The following ENTREP2 variants were observed in gnomAD, a reference collection of about 807,000 sequenced individuals.
The protein encoded by ENTREP2 is endosomal transmembrane epsin interactor 2, also known as protein ENTREP2.
the ENTREP2 span, among the ~76,000 whole-genome samples, chr15:29,220,002 T>C: frequency 7.9e-5 from 12 of 151,938 alleles, no homozygotes; most frequent in African/African-American, 2.9e-4. Flanking sequence ...TGTTCGCCAA[T>C]AACTTATGGA....
At chr15:29,476,831 G>A in the ENTREP2 span, among the ~76,000 whole-genome samples, 1 of 152,150 alleles carries the variant, frequency 6.6e-6, no homozygotes, top group African/African-American at 2.4e-5. Context: ...AGCAGACAGC[G>A]ATGCCACCAC....
At chr15:29,156,154 G>A in the ENTREP2 span, among the ~76,000 whole-genome samples, 1 of 152,016 alleles carries the variant, frequency 6.6e-6, no homozygotes, top group Non-Finnish European at 1.5e-5. Context: ...TTTTGTTGTT[G>A]TTGTTGTTTG....
the ENTREP2 span, among the ~76,000 whole-genome samples, chr15:29,649,303 AAAGG>A: frequency 6.6e-6 from 1 of 152,256 alleles, no homozygotes. Flanking sequence ...GATATTAAAC[AAAGG>A]AAGTGCACTT....
chr15:29,131,546 T>A, the ENTREP2 span, among the ~76,000 whole-genome samples: 1 of 129,256 alleles, frequency 7.7e-6, no homozygotes, highest in Non-Finnish European at 1.6e-5. Context: ...CAGGCTGTCC[T>A]GCCATGCGCC....
chr15:29,173,278 C>T, the ENTREP2 span, among the ~76,000 whole-genome samples: 1 of 152,176 alleles, frequency 6.6e-6, no homozygotes, highest in Non-Finnish European at 1.5e-5. Context: ...AGCCAACTCA[C>T]CATGGGGCCG....
the ENTREP2 span, among the ~76,000 whole-genome samples, chr15:29,360,318 AT>A: frequency 6.6e-6 from 1 of 152,050 alleles, no homozygotes; most frequent in Non-Finnish European, 1.5e-5. Flanking sequence ...AGCATATTAG[AT>A]TTTTTCTTAA....
the ENTREP2 span, among the ~76,000 whole-genome samples, chr15:29,301,297 G>A: frequency 6.6e-6 from 1 of 152,192 alleles, no homozygotes; most frequent in African/African-American, 2.4e-5. Context: ...GGACTTCCTT[G>A]AATCACTGAG....
At chr15:29,209,826 C>T in the ENTREP2 span, among the ~76,000 whole-genome samples, 2 of 152,156 alleles carry the variant, frequency 1.3e-5, no homozygotes, top group Admixed American at 1.3e-4. Flanking sequence ...CAGGGTCACT[C>T]TACCCAGCTG....
At chr15:29,672,768 G>T in the ENTREP2 span, among the ~76,000 whole-genome samples, 1 of 151,928 alleles carries the variant, frequency 6.6e-6, no homozygotes, top group Non-Finnish European at 1.5e-5. Flanking sequence ...TTGGTGGGTT[G>T]GGGGGGTTGG....
the ENTREP2 span, among the ~76,000 whole-genome samples, chr15:29,181,867 A>C: frequency 2.0e-5 from 3 of 152,180 alleles, no homozygotes; most frequent in African/African-American, 7.2e-5. Flanking sequence ...ATTTTCAGCA[A>C]ACATTATTCT....
the ENTREP2 span, among the ~76,000 whole-genome samples, chr15:29,427,554 T>C: frequency 6.6e-6 from 1 of 152,190 alleles, no homozygotes; most frequent in African/African-American, 2.4e-5. Flanking sequence ...TTCCAGAGAC[T>C]GCCCTCAGCC....
At chr15:29,223,946 T>A in the ENTREP2 span, among the ~76,000 whole-genome samples, 2 of 152,180 alleles carry the variant, frequency 1.3e-5, no homozygotes, top group East Asian at 1.9e-4. Context: ...CGCGCCCAGC[T>A]CTGCCTGTGA....
chr15:29,372,563 C>T, the ENTREP2 span, among the ~76,000 whole-genome samples: 3 of 152,118 alleles, frequency 2.0e-5, no homozygotes, highest in African/African-American at 7.2e-5. Context: ...TCTATATCCC[C>T]ATCTCTAAAT....
At chr15:29,346,010 G>C in the ENTREP2 span, among the ~76,000 whole-genome samples, 1 of 152,126 alleles carries the variant, frequency 6.6e-6, no homozygotes, top group Non-Finnish European at 1.5e-5. Context: ...GAGGAAACTG[G>C]GGCACAGAGA....
chr15:29,617,114 C>T, the ENTREP2 span, among the ~76,000 whole-genome samples: 1 of 152,012 alleles, frequency 6.6e-6, no homozygotes. Flanking sequence ...TAGGAACTGG[C>T]TCATGTGATT....
At chr15:29,542,588 G>A in the ENTREP2 span, among the ~76,000 whole-genome samples, 1 of 152,200 alleles carries the variant, frequency 6.6e-6, no homozygotes, top group Non-Finnish European at 1.5e-5. Context: ...ACAGGCGTGA[G>A]CCACGGCGCC....
chr15:29,170,098 A>G, the ENTREP2 span, among the ~76,000 whole-genome samples: 2 of 151,960 alleles, frequency 1.3e-5, no homozygotes, highest in Non-Finnish European at 2.9e-5. Flanking sequence ...ATGAGGTCAG[A>G]AGATTGAGAC....
At chr15:29,340,389 G>A in the ENTREP2 span, among the ~76,000 whole-genome samples, 3 of 152,154 alleles carry the variant, frequency 2.0e-5, no homozygotes, top group African/African-American at 4.8e-5. Context: ...CAGAGGGGAC[G>A]TAGCAGGGTG....
chr15:29,205,885 T>G, the ENTREP2 span, among the ~76,000 whole-genome samples: 19 of 152,174 alleles, frequency 1.2e-4, no homozygotes, highest in Non-Finnish European at 2.2e-4. Context: ...AACCCAGTAA[T>G]TTTTGCTTCC....
Sources: gnomAD v4.1 joint callset for allele counts (sites outside exome capture counted in the v4.1 genomes callset) on GRCh38, gnomAD v4.1.1 for gene constraint, MANE v1.5 for transcripts, NCBI Gene and HGNC (gene_info 2026-07-23, HGNC 2026-07-21) for gene names.